BICC1: variants seen among roughly 807,000 people sequenced by gnomAD.
BICC1 encodes protein bicaudal C homolog 1.
BICC1 carries 43 observed loss-of-function variants against 111.0 expected under a neutral mutation model. The ratio of observed to expected loss-of-function variants is 0.39; its 90% CI spans 0.30 to 0.50. BICC1 has a LOEUF of 0.50. BICC1 is among the 20% of genes least tolerant of loss of function. BICC1 has a pLI of 0.88. For synonymous variants in BICC1, 467 were observed against 434.4 expected, an observed-to-expected ratio of 1.07 and a Z score of -0.93; for missense variants, 1,091 against 1,203.2, an observed-to-expected ratio of 0.91 and a Z score of 1.38.
chr10:58,570,304 A>C (rs1843907614), intron 1 of BICC1, among the ~76,000 whole-genome samples: 1 of 152,184 alleles, frequency 6.6e-6, no homozygotes, highest in Admixed American at 6.5e-5. Flanking sequence ...TCTTTGGCTA[A>C]GGTTATCTCC....
At chr10:58,663,060 CT>C (rs1838892302) in intron 2 of BICC1, among the ~76,000 whole-genome samples, 2 of 119,942 alleles carry the variant, frequency 1.7e-5, no homozygotes, top group Non-Finnish European at 3.3e-5. Flanking sequence ...TTTTCTTTTT[CT>C]TTTTCTTTTT....
chr10:58,594,673 G>A (rs1844752094), intron 1 of BICC1, among the ~76,000 whole-genome samples: 1 of 152,186 alleles, frequency 6.6e-6, no homozygotes. Flanking sequence ...ACAAGCAAAT[G>A]CTGAGAGATT....
chr10:58,798,429 A>G lies in BICC1; in HGVS notation c.1397A>G (p.Asn466Ser). 6.2e-7 allele frequency: 1 copy of G among 1,610,286 alleles called. No individual in the cohort carries two copies. Reference sequence around the variant, plus strand: ...TTGGGACCCACCACCTTATCTCTGAACACTTCAACAACCCCAAACTCACTC... The same window carrying G: ...TTGGGACCCACCACCTTATCTCTGAGCACTTCAACAACCCCAAACTCACTC... ...GLLGPTTLSL[N>S]TSTTPNSLLN... Residue 466 changes from asparagine to serine, a missense_variant, in exon 11 of 21, where the codon AAC becomes AGC. This residue lies in a region of BICC1 where 843 missense variants were observed against 900.8 expected (regional missense o/e 0.94). Transcript: ENST00000373886.
At chr10:58,724,329 A>G (rs2393493) in intron 3 of BICC1, among the ~76,000 whole-genome samples, 151,943 of 152,362 alleles carry the variant, frequency 1, 75,764 homozygotes, top group Middle Eastern at 1. Flanking sequence ...GGGAAATCAA[A>G]CTATTCTCAG....
intron 3 of BICC1, among the ~76,000 whole-genome samples, chr10:58,718,301 AAAC>A (rs1840812678): frequency 6.6e-6 from 1 of 152,120 alleles, no homozygotes; most frequent in Non-Finnish European, 1.5e-5. Context: ...AAGGGGCAAA[AAAC>A]CTCCCTCACA....
chr10:58,808,075 CTTT>C (rs112775737), intron 17 of BICC1, among the ~76,000 whole-genome samples: 2 of 142,730 alleles, frequency 1.4e-5, no homozygotes, highest in Non-Finnish European at 1.5e-5. Flanking sequence ...AAACATGCTG[CTTT>C]TTTTTTTTTT....
chr10:58,620,836 T>C lies in BICC1; in HGVS notation c.191-19T>C, dbSNP rs1030978169. On this transcript the variant is annotated intron_variant, in intron 1 of 20. Transcript: ENST00000373886. ...ATACATTGAAAAAGTATTTTAAATG[T>C]GCACATTTTTATTTACAGCTGCTGC... 8.1e-6 allele frequency: 13 copies of C among 1,608,390 alleles called. No individual in the cohort carries two copies. The highest frequency in any genetic ancestry group is 1.3e-5 in the African/African-American group (1 of 74,494).
At chr10:58,701,370 T>C (rs140823639) in intron 2 of BICC1, among the ~76,000 whole-genome samples, 1 of 152,282 alleles carries the variant, frequency 6.6e-6, no homozygotes, top group African/African-American at 2.4e-5. Flanking sequence ...CCTGTTCTTT[T>C]CTTATTTACC....
chr10:58,693,199 T>G (rs1220640066), intron 2 of BICC1, among the ~76,000 whole-genome samples: 3 of 152,232 alleles, frequency 2.0e-5, no homozygotes, highest in Non-Finnish European at 2.9e-5. Flanking sequence ...CTCATCATTT[T>G]TTATGGCTGC....
rs142925588 is a variant in BICC1, at chr10:58,779,080, A to G, written c.308-5921A>G. Among the ~76,000 whole-genome samples, 1,286 of 152,272 alleles carry G rather than the reference A, an allele frequency of 8.4e-3. 25 individuals carry two copies. Among genetic ancestry groups the G allele is most frequent in the African/African-American group, 0.029 (1,214 of 41,542 alleles). On this transcript the variant is annotated intron_variant, in intron 3 of 20. Transcript: ENST00000373886. ...GTGATGTTGGTATGTTATTTGGCCC[A>G]TGTACAGTTTTTGTTTAAAAAAGAA...
At chr10:58,812,090 T>C (rs1407588284) in intron 17 of BICC1, among the ~76,000 whole-genome samples, 3 of 152,334 alleles carry the variant, frequency 2.0e-5, no homozygotes, top group South Asian at 2.1e-4. Context: ...TCAGTCTTGT[T>C]GCTTCATGGA....
Position 58,789,782 on chromosome 10 carries a change from T to C in BICC1, c.896T>C (p.Met299Thr), listed in dbSNP as rs1843121047. ...LDIAAQHHLF[M>T]MGRNGSNIKH... Reference sequence around the variant, plus strand: ...ATTGCAGCTCAACATCATCTCTTTATGATGGGTCGAAATGGGAGCAACATC... The same window carrying C: ...ATTGCAGCTCAACATCATCTCTTTACGATGGGTCGAAATGGGAGCAACATC... Residue 299 changes from methionine (M) to threonine (T), a missense_variant, in exon 8 of 21, where the codon ATG becomes ACG. Coordinates refer to ENST00000373886, the MANE Select transcript of BICC1 (RefSeq NM_001080512.3). 1 of 1,614,060 alleles carries C rather than the reference T, an allele frequency of 6.2e-7. No homozygotes were observed. The highest frequency in any genetic ancestry group is 8.5e-7 in the Non-Finnish European group (1 of 1,180,032).
At chr10:58,561,957 T>C (rs542313476) in intron 1 of BICC1, among the ~76,000 whole-genome samples, 2 of 152,280 alleles carry the variant, frequency 1.3e-5, no homozygotes, top group African/African-American at 4.8e-5. Flanking sequence ...ATTTTCTTTT[T>C]GCTGGTAGCA....
chr10:58,693,144 A>G (rs1417700848), intron 2 of BICC1, among the ~76,000 whole-genome samples: 1 of 152,100 alleles, frequency 6.6e-6, no homozygotes, highest in Non-Finnish European at 1.5e-5. Context: ...GTTTGCTGAG[A>G]ATGATGGTTT....
intron 1 of BICC1, among the ~76,000 whole-genome samples, chr10:58,555,039 GTCTT>G (rs1330048191): frequency 6.6e-6 from 1 of 151,878 alleles, no homozygotes; most frequent in Non-Finnish European, 1.5e-5. Context: ...ATACCTTAGT[GTCTT>G]TCTTTAAAAA....
chr10:58,591,985 C>T (rs891874193), intron 1 of BICC1, among the ~76,000 whole-genome samples: 1 of 152,170 alleles, frequency 6.6e-6, no homozygotes, highest in Non-Finnish European at 1.5e-5. Context: ...TAGAGTAATA[C>T]AGAATATACT....
At position 58,796,392 on chromosome 10, in the gene BICC1, G is replaced by A. The variant is rs975517639; in HGVS notation, c.1232G>A (p.Arg411Lys). The A allele has an allele frequency of 2.5e-6, 4 of 1,614,092 alleles. No homozygotes were observed. In the East Asian group the frequency reaches 8.9e-5, roughly 36 times the overall value. The change falls in exon 10 of 21, where the codon AGG (arginine) becomes AAG (lysine). Residue 411 changes from arginine to lysine, a missense_variant. This residue lies in a region of BICC1 where 843 missense variants were observed against 900.8 expected (regional missense o/e 0.94). Transcript: ENST00000373886. ...ERNALNMYEA[R>K]KCLLGLESSG... The stretch of plus-strand genomic sequence containing the variant: ...AATGCCTTAAATATGTATGAAGCAA[G>A]GAAATGTCTCCTCGGACTTGAAAGC...
At chr10:58,551,114 C>T (rs1589089177) in intron 1 of BICC1, among the ~76,000 whole-genome samples, 1 of 152,220 alleles carries the variant, frequency 6.6e-6, no homozygotes, top group East Asian at 1.9e-4. Flanking sequence ...TGATCCTTCA[C>T]TATTTCATAA....
intron 2 of BICC1, among the ~76,000 whole-genome samples, chr10:58,653,617 T>C (rs2132258751): frequency 6.6e-6 from 1 of 152,334 alleles, no homozygotes; most frequent in Non-Finnish European, 1.5e-5. Flanking sequence ...CTGCCATCTG[T>C]TCAATCCACA....
Sources: gnomAD v4.1 joint callset for allele counts (sites outside exome capture counted in the v4.1 genomes callset) on GRCh38, gnomAD v4.1.1 for gene constraint, gnomAD v4.1.1 regional missense constraint, MANE v1.5 for transcripts, NCBI Gene and HGNC (gene_info 2026-07-23, HGNC 2026-07-21) for gene names.